Variants in MPHOSPH9 observed in about 807,000 individuals in gnomAD.
The protein encoded by MPHOSPH9 is M-phase phosphoprotein 9.
Under a neutral mutation model 145.5 loss-of-function variants are expected in MPHOSPH9, and 88 were observed. The observed-to-expected ratio is 0.60, with a 90% CI of 0.51 to 0.72. The LOEUF (loss-of-function observed/expected upper bound fraction) is 0.72, where lower values mean the gene tolerates loss of function less well. MPHOSPH9 is among the 30% of genes least tolerant of loss of function. The pLI, the probability that MPHOSPH9 is intolerant of heterozygous loss-of-function variation, is 0.00. For missense variants in MPHOSPH9, 1,238 were observed against 1,386.6 expected (o/e 0.89, Z 1.70); for synonymous variants, 435 against 486.2 (o/e 0.89, Z 1.39).
chr12:123,212,059 G>A (rs1222178780), intron 7 of MPHOSPH9, among the ~76,000 whole-genome samples: 3 of 152,092 alleles, frequency 2.0e-5, no homozygotes, highest in East Asian at 1.9e-4. Flanking sequence ...TGTTTATTGA[G>A]TACCTATAGT....
At chr12:123,187,010 G>T (rs1210204213) in intron 13 of MPHOSPH9, among the ~76,000 whole-genome samples, 1 of 152,132 alleles carries the variant, frequency 6.6e-6, no homozygotes, top group Non-Finnish European at 1.5e-5. Context: ...TGTAATCCCA[G>T]CACCTTGGGA....
intron 6 of MPHOSPH9, among the ~76,000 whole-genome samples, chr12:123,215,621 T>C (rs1565962120): frequency 3.3e-5 from 5 of 152,206 alleles, no homozygotes; most frequent in Admixed American, 1.3e-4. Flanking sequence ...AATTGGTTAG[T>C]AGTCCCTGCT....
chr12:123,161,597 C>T (rs1400243579), intron 21 of MPHOSPH9, among the ~76,000 whole-genome samples: 1 of 149,620 alleles, frequency 6.7e-6, no homozygotes, highest in Non-Finnish European at 1.5e-5. Flanking sequence ...ACAATCTTTG[C>T]AACTTCCCTT....
intron 8 of MPHOSPH9, among the ~76,000 whole-genome samples, chr12:123,209,741 T>A (rs1448818976): frequency 6.8e-6 from 1 of 148,114 alleles, no homozygotes; most frequent in African/African-American, 2.5e-5. Context: ...TTTGTTGTTT[T>A]TTTTTTTTTT....
chr12:123,206,904 C>T (rs572579439), intron 8 of MPHOSPH9, among the ~76,000 whole-genome samples: 4 of 148,424 alleles, frequency 2.7e-5, no homozygotes, highest in African/African-American at 1.0e-4. Flanking sequence ...CAGAGCAAGA[C>T]TCCGTCTCAA....
In MPHOSPH9 at chr12:123,230,413, G is replaced by T; in HGVS notation, c.-49C>A. 2 of 1,181,228 alleles carry T rather than the reference G, an allele frequency of 1.7e-6. No individual in the cohort carries two copies. The highest frequency in any genetic ancestry group is 2.3e-6 in the Non-Finnish European group (2 of 852,874). 73.2% of individuals were successfully genotyped at this position (1,181,228 alleles called of 1,614,324 possible). The stretch of plus-strand genomic sequence containing the variant: ...TCTTATTGGAAAATAAAGGTTCTTG[G>T]GCTGTTTGAGAAAAATGAATCCGTG... On this transcript the variant is annotated 5_prime_UTR_variant, in exon 2 of 24. Coordinates refer to ENST00000606320, the MANE Select transcript of MPHOSPH9 (RefSeq NM_022782.4).
At chr12:123,166,140 C>G (rs577985815) in intron 17 of MPHOSPH9, among the ~76,000 whole-genome samples, 1 of 152,202 alleles carries the variant, frequency 6.6e-6, no homozygotes, top group African/African-American at 2.4e-5. Flanking sequence ...AGGTCTCACT[C>G]TGTCACCCAG....
intron 6 of MPHOSPH9, among the ~76,000 whole-genome samples, chr12:123,216,412 A>C (rs2046962401): frequency 6.6e-6 from 1 of 152,226 alleles, no homozygotes; most frequent in Non-Finnish European, 1.5e-5. Flanking sequence ...ATAGGATGAC[A>C]AAAAGACCAT....
At chr12:123,156,940 G>T in intron 23 of MPHOSPH9, 32 bp from the exon 24 acceptor site, 1 of 1,536,822 alleles carries the variant, frequency 6.5e-7, no homozygotes, top group South Asian at 1.1e-5. Context: ...AGTTTAATTA[G>T]AATTCTATAC....
intron 15 of MPHOSPH9, 103 bp from the exon 16 acceptor site, chr12:123,176,892 A>G: frequency 1.2e-6 from 1 of 868,496 alleles, no homozygotes; most frequent in Non-Finnish European, 1.8e-6. Flanking sequence ...ATGGGTGGTA[A>G]AAGAGTTGCA....
intron 11 of MPHOSPH9, among the ~76,000 whole-genome samples, 174 bp downstream of exon 11, chr12:123,201,990 C>T (rs1482413408): frequency 1.3e-5 from 2 of 152,150 alleles, no homozygotes; most frequent in Non-Finnish European, 2.9e-5. Context: ...AATGGCTCCA[C>T]GTCAGTTATT....
rs1442318449 is a variant in MPHOSPH9 at position 123,203,095 on chromosome 12, GACA to G, written c.1321-14_1321-12del. 1.2e-6 allele frequency: 2 copies of G among 1,606,196 alleles called. No homozygotes were observed. The highest frequency in any genetic ancestry group is 1.7e-5 in the Admixed American group (1 of 58,740). On this transcript the variant is annotated splice_polypyrimidine_tract_variant and intron_variant, in intron 9 of 23. Transcript: ENST00000606320. ...ATCTAGAGTCAGGACCTGGAAACCA[GACA>G]ACAACGAAGTCTTACCCTCAGAACT...
intron 16 of MPHOSPH9, among the ~76,000 whole-genome samples, chr12:123,172,329 TTTTC>T (rs989355717): frequency 2.7e-5 from 4 of 145,752 alleles, no homozygotes; most frequent in African/African-American, 4.8e-5. Context: ...TGTTATACAA[TTTTC>T]TTTCTTTTTT....
intron 14 of MPHOSPH9, among the ~76,000 whole-genome samples, chr12:123,180,576 T>C (rs2138089805): frequency 6.6e-6 from 1 of 152,298 alleles, no homozygotes; most frequent in African/African-American, 2.4e-5. Flanking sequence ...GCTTGATATT[T>C]AATCAGTATT....
chr12:123,216,700 T>A (rs763126172), intron 6 of MPHOSPH9, among the ~76,000 whole-genome samples: 4 of 151,696 alleles, frequency 2.6e-5, no homozygotes, highest in African/African-American at 7.3e-5. Flanking sequence ...AAATATATTT[T>A]AAAAAAATTT....
chr12:123,202,052 CTG>C, intron 11 of MPHOSPH9, 110 bp downstream of exon 11: 2 of 1,138,604 alleles, frequency 1.8e-6, no homozygotes, highest in East Asian at 2.5e-5. Flanking sequence ...GCAAACATGA[CTG>C]TTAAAATTTC....
At chr12:123,179,734 A>AAAGAG (rs1376219364) in intron 15 of MPHOSPH9, among the ~76,000 whole-genome samples, 192 bp downstream of exon 15, 2 of 151,080 alleles carry the variant, frequency 1.3e-5, no homozygotes, top group Non-Finnish European at 3.0e-5. Flanking sequence ...AAAAAAAAAA[A>AAAGAG]AGAGAGAGAG....
At chr12:123,191,563 G>T (rs1438660728) in intron 13 of MPHOSPH9, among the ~76,000 whole-genome samples, 1 of 152,148 alleles carries the variant, frequency 6.6e-6, no homozygotes, top group Non-Finnish European at 1.5e-5. Flanking sequence ...AAAGTGCTGG[G>T]ATCACAGGCA....
At chr12:123,226,396 T>G in intron 3 of MPHOSPH9, 3 of 888,392 alleles carry the variant, frequency 3.4e-6, no homozygotes, top group Non-Finnish European at 4.4e-6. Flanking sequence ...CAATTAACGT[T>G]TAAAACAAGA....
Sources: allele counts gnomAD v4.1 joint callset (sites outside exome capture counted in the v4.1 genomes callset), GRCh38; gene constraint gnomAD v4.1.1; transcripts MANE v1.5; gene names NCBI Gene and HGNC (gene_info 2026-07-23, HGNC 2026-07-21).